Variants in SESN3 observed in about 807,000 individuals in gnomAD.
SESN3 encodes the protein sestrin 3.
A neutral mutation model predicts 55.3 loss-of-function variants in SESN3; 21 were observed. The ratio of observed to expected loss-of-function variants is 0.38; its 90% CI spans 0.27 to 0.55. The LOEUF (loss-of-function observed/expected upper bound fraction) is 0.55. Ranked by LOEUF, SESN3 falls within the 20% of genes least tolerant of loss-of-function variation. The pLI is 0.76. For missense variants in SESN3, 408 were observed against 604.3 expected, an observed-to-expected ratio of 0.68 and a Z score of 3.41; for synonymous variants, 181 against 203.1, an observed-to-expected ratio of 0.89 and a Z score of 0.93.
intron 4 of SESN3, among the ~76,000 whole-genome samples, chr11:95,188,003 A>C (rs902692989): frequency 4.9e-5 from 7 of 143,732 alleles, no homozygotes; most frequent in Non-Finnish European, 1.1e-4. Context: ...CTTCCTATGT[A>C]TCTCCCATGG....
At chr11:95,181,867 T>C (rs1281885192) in intron 6 of SESN3, among the ~76,000 whole-genome samples, 2 of 152,120 alleles carry the variant, frequency 1.3e-5, no homozygotes, top group African/African-American at 4.8e-5. Flanking sequence ...GCTATTGTAC[T>C]GAGTCTTTTT....
At chr11:95,202,662 AT>A (rs1350093739) in intron 1 of SESN3, among the ~76,000 whole-genome samples, 2 of 152,084 alleles carry the variant, frequency 1.3e-5, no homozygotes, top group Non-Finnish European at 2.9e-5. Flanking sequence ...TGCTAGTAAA[AT>A]TTTGAGCTAT....
intron 1 of SESN3, among the ~76,000 whole-genome samples, chr11:95,211,381 C>A (rs1860652276): frequency 6.6e-6 from 1 of 152,206 alleles, no homozygotes; most frequent in Non-Finnish European, 1.5e-5. Context: ...CCAAGAGTGG[C>A]AGTCCCTCCC....
intron 8 of SESN3, 49 bp downstream of exon 8, chr11:95,177,670 T>A: frequency 6.9e-7 from 1 of 1,444,542 alleles, no homozygotes; most frequent in Non-Finnish European, 9.5e-7. Flanking sequence ...AGACTCATGC[T>A]TGAATTTTCA....
chr11:95,174,717 C>A (rs768680545), intron 9 of SESN3, among the ~76,000 whole-genome samples: 1 of 152,108 alleles, frequency 6.6e-6, no homozygotes. Flanking sequence ...GAACTCCTGA[C>A]CTCAGGTGAT....
At chr11:95,184,688 G>A (rs1337169120) in intron 5 of SESN3, 94 bp from the exon 6 acceptor site, 22 of 1,138,384 alleles carry the variant, frequency 1.9e-5, no homozygotes, top group East Asian at 1.7e-4. Flanking sequence ...TATGTACAGC[G>A]GAACAGGCAC....
intron 1 of SESN3, among the ~76,000 whole-genome samples, chr11:95,226,668 C>T (rs930737287): frequency 1.3e-5 from 2 of 151,958 alleles, no homozygotes; most frequent in African/African-American, 4.8e-5. Flanking sequence ...TCATACATGA[C>T]ACAGTAACAA....
In SESN3 at chr11:95,173,261, C is replaced by G. The variant is rs1018437989; in HGVS notation, c.1473G>C (p.Leu491Phe). The change falls in exon 10 of 10, where the codon TTG (leucine) becomes TTC (phenylalanine). Residue 491 changes from leucine (L) to phenylalanine (F), a missense_variant. By Grantham distance (22) the Leu-to-Phe change is conservative. Around this residue, in one of 4 missense-constraint regions of SESN3, gnomAD observed 121 missense variants for 204.9 expected, o/e 0.59. Transcript: ENST00000536441. ...LYALRAITRH[L>F]T Reference sequence around the variant, plus strand: ...ATTTTCCTTGGGTGATACTTCAGGTCAAATGCCGAGTTATGGCACGAAGAG... The same window carrying G: ...ATTTTCCTTGGGTGATACTTCAGGTGAAATGCCGAGTTATGGCACGAAGAG... The G allele has an allele frequency of 4.5e-6, 7 of 1,568,974 alleles. No individual in the cohort carries two copies. The African/African-American group carries it at 5.4e-5, about 12-fold the overall frequency.
chr11:95,182,138 C>T, intron 6 of SESN3: 1 of 325,036 alleles, frequency 3.1e-6, no homozygotes, highest in Non-Finnish European at 6.1e-6. Context: ...AAGGTAGAGA[C>T]TGAAATCCAA....
At chr11:95,173,394 C>G in intron 9 of SESN3, 53 bp from the exon 10 acceptor site, 1 of 1,152,008 alleles carries the variant, frequency 8.7e-7, no homozygotes, top group Non-Finnish European at 1.3e-6. Flanking sequence ...CCTGGAAAAT[C>G]TTATTAGACA....
At chr11:95,175,280 C>A (rs1277037033) in intron 9 of SESN3, among the ~76,000 whole-genome samples, 4 of 152,168 alleles carry the variant, frequency 2.6e-5, no homozygotes, top group African/African-American at 7.2e-5. Context: ...AGAAGAATCA[C>A]TTGAACCCGG....
At chr11:95,200,148 C>G (rs1368209796) in intron 1 of SESN3, among the ~76,000 whole-genome samples, 1 of 152,046 alleles carries the variant, frequency 6.6e-6, no homozygotes, top group East Asian at 1.9e-4. Flanking sequence ...GGCAGAAACA[C>G]TGCAACAACA....
Position 95,179,606 on chromosome 11 carries a change from A to T in SESN3, c.938-778T>A, listed in dbSNP as rs184923376. Among the ~76,000 whole-genome samples the T allele has an allele frequency of 9.9e-5, 15 of 152,268 alleles. 1 individual carries two copies. The highest frequency in any genetic ancestry group is 9.2e-4 in the Admixed American group (14 of 15,290). On this transcript the variant is annotated intron_variant, in intron 6 of 9. Transcript: ENST00000536441. ...TCAATATAGTTTATTTTTAGCTTGC[A>T]AAAAAGCATATAGGGAGAAAGATCA...
intron 1 of SESN3, among the ~76,000 whole-genome samples, chr11:95,215,864 C>G (rs1051065014): frequency 7.2e-5 from 11 of 151,768 alleles, no homozygotes; most frequent in Admixed American, 7.2e-4. Context: ...TTTGGGAGGC[C>G]GAGGCGGGCG....
chr11:95,166,194 A>G lies in SESN3; in HGVS notation c.*7061T>C, dbSNP rs533133548. Reference sequence around the variant, plus strand: ...TTCTAATTTAAAACCTTATAGAGTAAGAGACTGATATATATAGCAGTCTTA... The same window carrying G: ...TTCTAATTTAAAACCTTATAGAGTAGGAGACTGATATATATAGCAGTCTTA... On this transcript the variant is annotated 3_prime_UTR_variant, in exon 10 of 10. Transcript: ENST00000536441. 2 of 152,238 alleles carry G rather than the reference A, an allele frequency of 1.3e-5. No individual in the cohort carries two copies. Among genetic ancestry groups the G allele is most frequent in the African/African-American group, 4.8e-5 (2 of 41,534 alleles). The allele number at this position is 152,238 out of a possible 1,614,324, so 9.4% of individuals were successfully genotyped here. A position where few individuals can be genotyped will look rare whatever the true frequency, so the allele number is the denominator to read the frequency against.
chr11:95,183,681 CAAAA>C (rs34308912), intron 6 of SESN3, among the ~76,000 whole-genome samples: 6 of 93,228 alleles, frequency 6.4e-5, no homozygotes, highest in Admixed American at 1.1e-4. Flanking sequence ...GACTCTGTCT[CAAAA>C]AAAAAAAAAA....
chr11:95,202,810 C>CA (rs1860482741), intron 1 of SESN3, among the ~76,000 whole-genome samples: 1 of 151,730 alleles, frequency 6.6e-6, no homozygotes, highest in South Asian at 2.1e-4. Flanking sequence ...GATCTGGTCC[C>CA]AAAAAAGTAT....
chr11:95,211,538 C>T (rs953602807), intron 1 of SESN3, among the ~76,000 whole-genome samples: 7 of 152,068 alleles, frequency 4.6e-5, no homozygotes, highest in Non-Finnish European at 4.4e-5. Context: ...GAGGCCAAGG[C>T]GAGTGGGCCA....
intron 1 of SESN3, among the ~76,000 whole-genome samples, chr11:95,220,556 A>G (rs1860839291): frequency 6.6e-6 from 1 of 152,232 alleles, no homozygotes; most frequent in African/African-American, 2.4e-5. Context: ...TGTGTTTCTC[A>G]ATAGATTTAA....
Sources: gnomAD v4.1 joint callset for allele counts (sites outside exome capture counted in the v4.1 genomes callset) on GRCh38, gnomAD v4.1.1 for gene constraint, gnomAD v4.1.1 regional missense constraint, MANE v1.5 for transcripts, NCBI Gene and HGNC (gene_info 2026-07-23, HGNC 2026-07-21) for gene names.